The following NRG2 variants were observed in gnomAD, a reference collection of about 807,000 sequenced individuals.
NRG2 encodes the protein pro-neuregulin-2, membrane-bound isoform.
Under a neutral mutation model 73.9 loss-of-function variants are expected in NRG2, and 27 were observed. The observed-to-expected ratio is 0.37, with a 90% CI of 0.27 to 0.50. The LOEUF is 0.50. NRG2 is among the 20% of genes least tolerant of loss of function. The probability of loss-of-function intolerance (pLI) is 0.96; values close to 1 mark genes in which losing one functional copy is unlikely to be tolerated. For synonymous variants in NRG2, 532 were observed against 541.0 expected (o/e 0.98, Z 0.23); for missense variants, 1,126 against 1,210.1 (o/e 0.93, Z 1.03).
chr5:140,034,051 C>CAAGT (rs1303819211), intron 1 of NRG2, among the ~76,000 whole-genome samples: 1 of 151,994 alleles, frequency 6.6e-6, no homozygotes, highest in Non-Finnish European at 1.5e-5. Context: ...CTCTGCCTCC[C>CAAGT]AAGTTCAAGT....
intron 3 of NRG2, among the ~76,000 whole-genome samples, chr5:139,880,427 C>A (rs1763455336): frequency 1.3e-5 from 2 of 152,132 alleles, no homozygotes; most frequent in Non-Finnish European, 2.9e-5. Context: ...AAGCTGCCCA[C>A]CCATGGCCCA....
At chr5:139,872,188 G>A (rs189949294) in intron 3 of NRG2, among the ~76,000 whole-genome samples, 2 of 152,240 alleles carry the variant, frequency 1.3e-5, no homozygotes, top group Admixed American at 6.5e-5. Context: ...CTGGCTTTCC[G>A]GGGGCTCCCC....
chr5:139,940,462 T>C (rs2126423298), intron 1 of NRG2, among the ~76,000 whole-genome samples: 1 of 152,226 alleles, frequency 6.6e-6, no homozygotes, highest in African/African-American at 2.4e-5. Flanking sequence ...ATGATTGTAG[T>C]GATGTTTACC....
intron 1 of NRG2, among the ~76,000 whole-genome samples, chr5:140,009,962 AG>A: frequency 6.6e-6 from 1 of 152,152 alleles, no homozygotes; most frequent in Non-Finnish European, 1.5e-5. Context: ...GGGAGAGAGG[AG>A]TGAATGGGTG....
chr5:139,985,593 G>C (rs748861709), intron 1 of NRG2, among the ~76,000 whole-genome samples: 1 of 152,106 alleles, frequency 6.6e-6, no homozygotes, highest in Non-Finnish European at 1.5e-5. Flanking sequence ...GAAAGCTATA[G>C]ACCTTCCCCA....
chr5:139,911,325 C>T (rs937673191), intron 1 of NRG2, among the ~76,000 whole-genome samples: 3 of 152,082 alleles, frequency 2.0e-5, no homozygotes, highest in African/African-American at 7.2e-5. Context: ...GATCCTCACA[C>T]CTGAGGAACC....
At chr5:140,016,310 T>C (rs1359668241) in intron 1 of NRG2, among the ~76,000 whole-genome samples, 2 of 152,242 alleles carry the variant, frequency 1.3e-5, no homozygotes, top group Non-Finnish European at 2.9e-5. Flanking sequence ...GCCTTAGTTT[T>C]CTCAATTTGA....
intron 1 of NRG2, among the ~76,000 whole-genome samples, chr5:140,012,981 T>A (rs1167720711): frequency 6.6e-6 from 1 of 152,136 alleles, no homozygotes; most frequent in African/African-American, 2.4e-5. Context: ...TGCCTGACAA[T>A]CATACTGTAC....
intron 1 of NRG2, among the ~76,000 whole-genome samples, chr5:140,041,631 C>T (rs1017272278): frequency 2.2e-5 from 3 of 137,664 alleles, no homozygotes; most frequent in African/African-American, 8.3e-5. Context: ...ATCATCATCA[C>T]AATCAACAGA....
At chr5:139,893,174 T>G (rs1000526549) in intron 1 of NRG2, among the ~76,000 whole-genome samples, 2 of 152,252 alleles carry the variant, frequency 1.3e-5, no homozygotes, top group Non-Finnish European at 2.9e-5. Context: ...ATATCCCATT[T>G]TTCTCAGTCA....
At chr5:139,912,165 A>G (rs1329678229) in intron 1 of NRG2, among the ~76,000 whole-genome samples, 1 of 152,136 alleles carries the variant, frequency 6.6e-6, no homozygotes, top group African/African-American at 2.4e-5. Flanking sequence ...TCCCTTGAGG[A>G]CTGAGGGGGA....
intron 6 of NRG2, 78 bp downstream of exon 6, chr5:139,855,598 G>T: frequency 8.0e-7 from 1 of 1,245,322 alleles, no homozygotes; most frequent in Non-Finnish European, 1.2e-6. Context: ...GGTGGGGGAG[G>T]AAAGTCTTCT....
At chr5:139,873,222 G>T (rs1762971573) in intron 3 of NRG2, among the ~76,000 whole-genome samples, 1 of 152,176 alleles carries the variant, frequency 6.6e-6, no homozygotes, top group African/African-American at 2.4e-5. Flanking sequence ...GCCTGCTGCT[G>T]AGCTGGCATC....
At chr5:139,935,890 T>G (rs1441286140) in intron 1 of NRG2, among the ~76,000 whole-genome samples, 2 of 145,024 alleles carry the variant, frequency 1.4e-5, no homozygotes, top group Non-Finnish European at 3.0e-5. Context: ...ACCTGGGAGG[T>G]GGAGATTGCA....
chr5:139,888,048 G>A lies in NRG2; in HGVS notation c.701-537C>T, dbSNP rs1030108345. Among the ~76,000 whole-genome samples, 5 of 152,032 alleles carry A rather than the reference G, an allele frequency of 3.3e-5. No homozygotes were observed. The South Asian group carries it at 6.2e-4, about 19-fold the overall frequency. On this transcript the variant is annotated intron_variant, in intron 1 of 9. Coordinates refer to ENST00000361474, the MANE Select transcript of NRG2 (RefSeq NM_004883.3). Reference sequence around the variant, plus strand: ...TTTTCTTAAACGCCATTCTATTTCCGCATGCCCCAGTCTCCCATGCTTCAC... The same window carrying A: ...TTTTCTTAAACGCCATTCTATTTCCACATGCCCCAGTCTCCCATGCTTCAC...
chr5:139,869,965 C>T lies in NRG2; in HGVS notation c.1112+1756G>A, dbSNP rs145039701. On this transcript the variant is annotated intron_variant, in intron 4 of 9. Coordinates refer to ENST00000361474, the MANE Select transcript of NRG2 (RefSeq NM_004883.3). The surrounding 1 kb of genome is among the most constrained non-coding windows in gnomAD (Gnocchi z 4.5). ...GGGGCCAGAACCTTCCCTGCCCGGA[C>T]GAGGGCTGACTTCAGTGACAGTGCT... is the stretch of plus-strand genomic sequence containing the variant. 6.6e-5 allele frequency among the ~76,000 whole-genome samples: 10 copies of T among 152,328 alleles called. No homozygotes were observed. The highest frequency in any genetic ancestry group is 3.9e-4 in the East Asian group (2 of 5,186).
At chr5:139,926,264 C>T (rs116079343) in intron 1 of NRG2, among the ~76,000 whole-genome samples, 1 of 152,344 alleles carries the variant, frequency 6.6e-6, no homozygotes, top group African/African-American at 2.4e-5. Flanking sequence ...CCTCTTTGCT[C>T]CCTGCACTTG....
intron 1 of NRG2, among the ~76,000 whole-genome samples, chr5:140,035,445 A>T (rs923805245): frequency 2.0e-5 from 3 of 152,266 alleles, no homozygotes; most frequent in Non-Finnish European, 4.4e-5. Flanking sequence ...TGGTGACTGT[A>T]TCTGATGCAG....
At chr5:139,912,674 G>A (rs1750923028) in intron 1 of NRG2, among the ~76,000 whole-genome samples, 1 of 152,096 alleles carries the variant, frequency 6.6e-6, no homozygotes, top group Non-Finnish European at 1.5e-5. Flanking sequence ...GGCTCTTGGG[G>A]TACACTGGAA....
Sources: allele counts gnomAD v4.1 joint callset (sites outside exome capture counted in the v4.1 genomes callset), GRCh38; gene constraint gnomAD v4.1.1; non-coding constraint Gnocchi (gnomAD v3.1); transcripts MANE v1.5; gene names NCBI Gene and HGNC (gene_info 2026-07-23, HGNC 2026-07-21).